The following NBAS variants were observed in gnomAD, a reference collection of about 807,000 sequenced individuals.
The protein encoded by NBAS is NAG/BC035112 fusion.
In NBAS, 219 loss-of-function variants were observed where a neutral mutation model predicts 302.5. The observed-to-expected ratio is 0.72, with a 90% CI of 0.65 to 0.81. The LOEUF is 0.81. NBAS is among the 30% of genes least tolerant of loss of function. The pLI, the probability that NBAS is intolerant of heterozygous loss-of-function variation, is 0.00. For missense variants in NBAS, 2,932 were observed against 2,841.6 expected, an observed-to-expected ratio of 1.03 and a Z score of -0.72; for synonymous variants, 1,118 against 1,021.6, an observed-to-expected ratio of 1.09 and a Z score of -1.80.
At chr2:14,838,462 CTT>C in the NBAS span, among the ~76,000 whole-genome samples, 1 of 151,882 alleles carries the variant, frequency 6.6e-6, no homozygotes, top group South Asian at 2.1e-4. Context: ...AAAATTTTCT[CTT>C]AACTTTTATC....
the NBAS span, among the ~76,000 whole-genome samples, chr2:14,897,106 G>C: frequency 6.6e-6 from 1 of 151,586 alleles, no homozygotes. Context: ...AAAAACGAAG[G>C]CCTCCAGGAA....
intron 31 of NBAS, among the ~76,000 whole-genome samples, chr2:15,366,970 T>G (rs900106755): frequency 4.3e-4 from 66 of 152,188 alleles, no homozygotes; most frequent in African/African-American, 1.5e-3. Context: ...TTTCACTGTT[T>G]TATGTACCAT....
Position 15,356,493 on chromosome 2 carries a change from T to G in NBAS, c.3818-77A>C, listed in dbSNP as rs954484671. 4 of 986,100 alleles carry G rather than the reference T, an allele frequency of 4.1e-6. No individual in the cohort carries two copies. In the African/African-American group the frequency reaches 6.4e-5, roughly 16 times the overall value. 61.1% of individuals were successfully genotyped at this position (986,100 alleles called of 1,614,324 possible). On this transcript the variant is annotated intron_variant, in intron 32 of 51. Coordinates refer to ENST00000281513, the MANE Select transcript of NBAS (RefSeq NM_015909.4). Reference sequence around the variant, plus strand: ...TAGAAGAGCTTGTTAACACTGTCTTTCAAATTACTTAAAAAATAAAACAGA... The same window carrying G: ...TAGAAGAGCTTGTTAACACTGTCTTGCAAATTACTTAAAAAATAAAACAGA...
At chr2:14,813,759 G>C in the NBAS span, among the ~76,000 whole-genome samples, 1 of 152,196 alleles carries the variant, frequency 6.6e-6, no homozygotes, top group African/African-American at 2.4e-5. Context: ...ATTCAAGCCA[G>C]CTACAGAATT....
At chr2:15,297,466 C>A (rs763099330) in intron 40 of NBAS, among the ~76,000 whole-genome samples, 18 of 152,128 alleles carry the variant, frequency 1.2e-4, no homozygotes, top group Non-Finnish European at 2.2e-4. Context: ...AGACTTCCCC[C>A]CTTGCTGTTC....
the NBAS span, among the ~76,000 whole-genome samples, chr2:15,067,028 A>G: frequency 1.3e-5 from 2 of 152,066 alleles, no homozygotes; most frequent in Non-Finnish European, 2.9e-5. Flanking sequence ...AGCCTTAAAA[A>G]GGCAGAAATC....
chr2:15,167,035 C>A lies in NBAS; in HGVS notation c.*13G>T, dbSNP rs753537747. The A allele has an allele frequency of 1.3e-6, 2 of 1,529,102 alleles. No individual in the cohort carries two copies. The highest frequency in any genetic ancestry group is 1.8e-6 in the Non-Finnish European group (2 of 1,137,766). The allele number at this position is 1,529,102 out of a possible 1,614,324, so 94.7% of individuals were successfully genotyped here. The stretch of plus-strand genomic sequence containing the variant: ...ATGCTTTTTCTGCTAAGGAGCAGGG[C>A]CACAGGTGGCCCTCACACCCAGTGC... On this transcript the variant is annotated 3_prime_UTR_variant, in exon 52 of 52. Transcript: ENST00000281513.
chr2:15,332,563 T>C (rs1672401699), intron 35 of NBAS, among the ~76,000 whole-genome samples: 2 of 152,166 alleles, frequency 1.3e-5, no homozygotes, highest in African/African-American at 2.4e-5. Context: ...AATTGTTTCT[T>C]GTTGGTTTCT....
At chr2:14,995,717 A>G in the NBAS span, among the ~76,000 whole-genome samples, 1 of 152,030 alleles carries the variant, frequency 6.6e-6, no homozygotes, top group African/African-American at 2.4e-5. Context: ...TGTCTCCCCA[A>G]AGAACTTCCC....
chr2:15,164,306 G>A (rs1209871360), downstream of NBAS, among the ~76,000 whole-genome samples: 1 of 152,260 alleles, frequency 6.6e-6, no homozygotes, highest in Non-Finnish European at 1.5e-5. Flanking sequence ...CTCAGCAGAG[G>A]GACCTAGAAG....
At chr2:14,849,248 A>T in the NBAS span, among the ~76,000 whole-genome samples, 1 of 151,870 alleles carries the variant, frequency 6.6e-6, no homozygotes, top group Admixed American at 6.6e-5. Flanking sequence ...GATGGAGCTG[A>T]AAACCAAGGC....
the NBAS span, among the ~76,000 whole-genome samples, chr2:15,142,190 CA>C: frequency 6.6e-6 from 1 of 152,184 alleles, no homozygotes; most frequent in African/African-American, 2.4e-5. Flanking sequence ...AGCCTGTCAA[CA>C]GTTGCAAATG....
At chr2:15,137,130 G>C in the NBAS span, among the ~76,000 whole-genome samples, 1 of 152,306 alleles carries the variant, frequency 6.6e-6, no homozygotes, top group East Asian at 1.9e-4. Flanking sequence ...TCAGAAAACA[G>C]AACCTCACCA....
intron 24 of NBAS, among the ~76,000 whole-genome samples, chr2:15,417,219 A>G (rs1676985569): frequency 6.6e-6 from 1 of 152,222 alleles, no homozygotes. Context: ...GAAGTTTAAC[A>G]AAGTGAAAGG....
intron 12 of NBAS, among the ~76,000 whole-genome samples, chr2:15,486,013 G>A (rs1680612780): frequency 6.6e-6 from 1 of 152,194 alleles, no homozygotes; most frequent in African/African-American, 2.4e-5. Flanking sequence ...GGCAGAGTCT[G>A]CCCTATCCAG....
At chr2:14,829,859 C>T in the NBAS span, among the ~76,000 whole-genome samples, 3 of 152,178 alleles carry the variant, frequency 2.0e-5, no homozygotes, top group Admixed American at 6.5e-5. Flanking sequence ...TTGTGGTTTC[C>T]GAACGTGGCT....
Position 15,186,768 on chromosome 2 carries a change from T to C in NBAS, c.6685A>G (p.Asn2229Asp). The C allele has an allele frequency of 2.5e-6, 4 of 1,613,872 alleles. No individual in the cohort carries two copies. Among genetic ancestry groups the C allele is most frequent in the Non-Finnish European group, 3.4e-6 (4 of 1,179,946 alleles). Residue 2229 changes from asparagine (N) to aspartate (D), a missense_variant, in exon 50 of 52, where the codon AAC (asparagine) becomes GAC (aspartate). Physicochemically the swap from Asn to Asp is conservative, Grantham distance 23 (BLOSUM62 1). Transcript: ENST00000281513. ...TCTGCAGGCAGCATCTGCTTGGTGT[T>C]ATACAAAGAGCGACACATTTTCAAA... The part of the protein sequence containing the change: ...EVLKMCRSLY[N>D]TKQMLPAEGV...
chr2:15,300,326 G>A (rs543665564), intron 40 of NBAS, among the ~76,000 whole-genome samples: 1 of 152,318 alleles, frequency 6.6e-6, no homozygotes, highest in South Asian at 2.1e-4. Context: ...TTATGTGCAG[G>A]CAACAAATTG....
chr2:15,195,850 A>G (rs1275860744), intron 48 of NBAS, among the ~76,000 whole-genome samples: 3 of 152,178 alleles, frequency 2.0e-5, no homozygotes, highest in African/African-American at 7.2e-5. Context: ...AGAATGGCTC[A>G]AGTGAGCATG....
Sources: allele counts gnomAD v4.1 joint callset (sites outside exome capture counted in the v4.1 genomes callset), GRCh38; gene constraint gnomAD v4.1.1; transcripts MANE v1.5; gene names NCBI Gene and HGNC (gene_info 2026-07-23, HGNC 2026-07-21).